EXOC6B: variants seen among roughly 807,000 people sequenced by gnomAD.
EXOC6B encodes the protein SEC15 homolog B.
In EXOC6B, 54 loss-of-function variants were observed where a neutral mutation model predicts 113.5. The observed-to-expected ratio is 0.48, with a 90% confidence interval of 0.38 to 0.60. EXOC6B has a LOEUF of 0.60. Among genes scored for constraint, EXOC6B ranks in the 20% least tolerant of loss-of-function variants. The probability of loss-of-function intolerance (pLI) is 0.00; values close to 1 mark genes in which losing one functional copy is unlikely to be tolerated. For missense variants in EXOC6B, 797 were observed against 977.5 expected (o/e 0.82, Z 2.46); for synonymous variants, 357 against 339.0 (o/e 1.05, Z -0.58).
At chr2:72,198,826 A>T (rs1214944381) in intron 20 of EXOC6B, among the ~76,000 whole-genome samples, 1 of 152,204 alleles carries the variant, frequency 6.6e-6, no homozygotes, top group African/African-American at 2.4e-5. Flanking sequence ...ATTCAACAGG[A>T]AACAACACTG....
intron 18 of EXOC6B, among the ~76,000 whole-genome samples, chr2:72,443,147 A>C (rs1696323548): frequency 6.6e-6 from 1 of 152,034 alleles, no homozygotes; most frequent in African/African-American, 2.4e-5. Flanking sequence ...CAATATGATG[A>C]AACCCCATCT....
chr2:72,762,838 T>C (rs1371269244), intron 1 of EXOC6B, among the ~76,000 whole-genome samples: 1 of 152,006 alleles, frequency 6.6e-6, no homozygotes, highest in Non-Finnish European at 1.5e-5. Context: ...ATAATGATAA[T>C]GAACTATGGA....
At chr2:72,566,006 T>C (rs1048809504) in intron 7 of EXOC6B, among the ~76,000 whole-genome samples, 1 of 151,802 alleles carries the variant, frequency 6.6e-6, no homozygotes, top group African/African-American at 2.4e-5. Flanking sequence ...TCTCAGGTTT[T>C]GTTTTGTTTT....
At chr2:72,593,420 CT>C (rs1706102917) in intron 6 of EXOC6B, among the ~76,000 whole-genome samples, 1 of 152,026 alleles carries the variant, frequency 6.6e-6, no homozygotes, top group Non-Finnish European at 1.5e-5. Context: ...CCTTTGGGGT[CT>C]GCTATACCTT....
At position 72,405,899 on chromosome 2, in the gene EXOC6B, C is replaced by A. The variant is rs978466470; in HGVS notation, c.1981-26029G>T. Among the ~76,000 whole-genome samples, 15 of 152,290 alleles carry A rather than the reference C, an allele frequency of 9.8e-5. 1 individual carries two copies. The highest frequency in any genetic ancestry group is 3.4e-4 in the African/African-American group (14 of 41,564). ...GGCTAAATGCTCCAATTAAAAGACA[C>A]AGACTGGCAAATTGGATAAAGAGTC... On this transcript the variant is annotated intron_variant, in intron 18 of 21. Transcript: ENST00000272427.
rs528757790 is a variant in EXOC6B at position 72,774,050 on chromosome 2, C to T, written c.114-32581G>A. 8.0e-4 allele frequency among the ~76,000 whole-genome samples: 122 copies of T among 152,226 alleles called. 1 individual carries two copies. Among genetic ancestry groups the T allele is most frequent in the African/African-American group, 2.6e-3 (107 of 41,530 alleles). On this transcript the variant is annotated intron_variant, in intron 1 of 21. Coordinates refer to ENST00000272427, the MANE Select transcript of EXOC6B (RefSeq NM_015189.3). ...TGTTATACTTCAAATGAATATTTCA[C>T]GTGATTTTGTAACATCAGGCACTGG... is the stretch of plus-strand genomic sequence containing the variant.
intron 18 of EXOC6B, chr2:72,461,899 C>T (rs1190348832): frequency 1.3e-5 from 2 of 152,012 alleles, no homozygotes; most frequent in African/African-American, 4.8e-5. Context: ...AAAAATATCA[C>T]ACAAGCTTAA....
chr2:72,653,113 T>G (rs1280078802), intron 6 of EXOC6B, among the ~76,000 whole-genome samples: 2 of 152,042 alleles, frequency 1.3e-5, no homozygotes, highest in Non-Finnish European at 2.9e-5. Flanking sequence ...ACATGTATGT[T>G]TATTGCGGCT....
intron 6 of EXOC6B, among the ~76,000 whole-genome samples, chr2:72,639,829 A>G (rs1209991155): frequency 6.6e-6 from 1 of 152,212 alleles, no homozygotes; most frequent in East Asian, 1.9e-4. Flanking sequence ...TCGTATTCTC[A>G]AAGTCATCAA....
At chr2:72,306,667 T>C (rs1686877182) in intron 20 of EXOC6B, among the ~76,000 whole-genome samples, 1 of 152,180 alleles carries the variant, frequency 6.6e-6, no homozygotes, top group African/African-American at 2.4e-5. Flanking sequence ...AGGTCAAAAA[T>C]AGTGGTCAGT....
intron 6 of EXOC6B, among the ~76,000 whole-genome samples, chr2:72,615,796 C>T (rs1573492341): frequency 5.3e-5 from 8 of 152,148 alleles, no homozygotes; most frequent in Admixed American, 5.2e-4. Flanking sequence ...TCAGGCAAGT[C>T]CTTCAGGAGG....
chr2:72,720,222 G>C (rs1360980757), intron 5 of EXOC6B, among the ~76,000 whole-genome samples: 2 of 151,532 alleles, frequency 1.3e-5, no homozygotes, highest in Non-Finnish European at 2.9e-5. Flanking sequence ...CAGTAAAGGA[G>C]CAACAAAAAC....
chr2:72,721,181 T>G (rs533370735), intron 5 of EXOC6B, among the ~76,000 whole-genome samples: 57 of 151,436 alleles, frequency 3.8e-4, no homozygotes, highest in African/African-American at 1.4e-3. Context: ...ATACAAAAAT[T>G]AGTCGGGCAT....
chr2:72,409,598 TCAG>T (rs1223916338), intron 18 of EXOC6B, among the ~76,000 whole-genome samples: 2 of 151,904 alleles, frequency 1.3e-5, no homozygotes, highest in African/African-American at 4.8e-5. Flanking sequence ...ACCATCATTC[TCAG>T]CAAACTATAG....
At chr2:72,723,819 T>C (rs758694837) in intron 5 of EXOC6B, among the ~76,000 whole-genome samples, 1 of 150,672 alleles carries the variant, frequency 6.6e-6, no homozygotes, top group Non-Finnish European at 1.5e-5. Flanking sequence ...TATAAACAAG[T>C]AGAATATTGG....
chr2:72,317,971 C>A (rs1687621800), intron 20 of EXOC6B, among the ~76,000 whole-genome samples: 1 of 152,136 alleles, frequency 6.6e-6, no homozygotes, highest in South Asian at 2.1e-4. Flanking sequence ...ACACCACAAT[C>A]CTTAGATTAG....
chr2:72,822,447 G>A (rs1339863320), intron 1 of EXOC6B, among the ~76,000 whole-genome samples: 1 of 152,138 alleles, frequency 6.6e-6, no homozygotes, highest in African/African-American at 2.4e-5. Flanking sequence ...TATGATAGAT[G>A]GGAATCTACC....
intron 20 of EXOC6B, among the ~76,000 whole-genome samples, chr2:72,221,491 A>G (rs1680862020): frequency 6.6e-6 from 1 of 152,070 alleles, no homozygotes; most frequent in South Asian, 2.1e-4. Flanking sequence ...CCAAATCCCC[A>G]TACTCTCCAA....
chr2:72,382,435 C>G (rs941668688), intron 18 of EXOC6B, among the ~76,000 whole-genome samples: 1 of 152,124 alleles, frequency 6.6e-6, no homozygotes, highest in African/African-American at 2.4e-5. Context: ...GCTACTGTAG[C>G]CCTGTGGTAT....
Sources: allele counts gnomAD v4.1 joint callset (sites outside exome capture counted in the v4.1 genomes callset), GRCh38; gene constraint gnomAD v4.1.1; transcripts MANE v1.5; gene names NCBI Gene and HGNC (gene_info 2026-07-23, HGNC 2026-07-21).